Variants in LMCD1 observed in about 807,000 individuals in gnomAD.
LMCD1 encodes the protein LIM and cysteine-rich domains protein 1.
LMCD1 carries 32 observed loss-of-function variants against 42.7 expected under a neutral mutation model. The observed-to-expected ratio is 0.75, with a 90% CI of 0.57 to 1.01. LMCD1 has a LOEUF of 1.01. Among genes scored for constraint, LMCD1 ranks in the 50% least tolerant of loss-of-function variants. LMCD1 has a pLI of 0.00. For missense variants in LMCD1, 458 were observed against 483.1 expected (o/e 0.95, Z 0.49); for synonymous variants, 178 against 184.9 (o/e 0.96, Z 0.30).
chr3:8,538,405 T>C (rs66566245), intron 3 of LMCD1, among the ~76,000 whole-genome samples: 14,525 of 152,250 alleles, frequency 0.095, 777 homozygotes, highest in South Asian at 0.2. Flanking sequence ...GGTTCAACAA[T>C]TTTAAAAATG....
rs560934948 is a variant in LMCD1 at position 8,501,878 on chromosome 3, G to T, written c.-61G>T. On this transcript the variant is annotated 5_prime_UTR_variant, in exon 1 of 6. Coordinates refer to ENST00000157600, the MANE Select transcript of LMCD1 (RefSeq NM_014583.4). ...TGGCCATTCAGCCGCCGCTGTCCCC[G>T]CTGCGCGCCCTCGCGCCTCTGCCTG... 2.0e-6 allele frequency: 3 copies of T among 1,511,828 alleles called. No individual in the cohort carries two copies. The South Asian group carries it at 3.6e-5, about 18-fold the overall frequency. The allele number at this position is 1,511,828 out of a possible 1,614,324, so 93.7% of individuals were successfully genotyped here.
Position 8,568,206 on chromosome 3 carries a change from G to A in LMCD1, c.*608G>A, listed in dbSNP as rs778400471. 1.3e-5 allele frequency: 2 copies of A among 152,192 alleles called. No homozygotes were observed. The highest frequency in any genetic ancestry group is 2.9e-5 in the Non-Finnish European group (2 of 68,054). 9.4% of individuals were successfully genotyped at this position (152,192 alleles called of 1,614,324 possible). On this transcript the variant is annotated 3_prime_UTR_variant, in exon 6 of 6. Coordinates refer to ENST00000157600, the MANE Select transcript of LMCD1 (RefSeq NM_014583.4). ...AGAAAATATAGTAAAATACTAATGA[G>A]CCTCTCTATCAATGTATCTCATCAG...
intron 3 of LMCD1, among the ~76,000 whole-genome samples, chr3:8,539,007 C>T (rs571101410): frequency 2.0e-5 from 3 of 152,168 alleles, no homozygotes; most frequent in Non-Finnish European, 4.4e-5. Context: ...AATGTTACAG[C>T]AATTTGACAT....
intron 3 of LMCD1, among the ~76,000 whole-genome samples, chr3:8,541,211 C>T (rs1047157755): frequency 2.6e-5 from 4 of 152,154 alleles, no homozygotes; most frequent in Non-Finnish European, 5.9e-5. Flanking sequence ...AACCTCTCCA[C>T]CCAAGATGTC....
chr3:8,567,374 C>A, intron 5 of LMCD1, 66 bp from the exon 6 acceptor site: 1 of 1,543,306 alleles, frequency 6.5e-7, no homozygotes, highest in Non-Finnish European at 8.9e-7. Flanking sequence ...ATAACTTGTC[C>A]TAGATATACC....
At chr3:8,535,027 C>T (rs1374727055) in intron 2 of LMCD1, among the ~76,000 whole-genome samples, 2 of 152,206 alleles carry the variant, frequency 1.3e-5, no homozygotes, top group Non-Finnish European at 2.9e-5. Flanking sequence ...TATGCGCAGC[C>T]TCCTCATCTA....
chr3:8,511,556 C>G (rs1258307136), intron 1 of LMCD1, among the ~76,000 whole-genome samples: 1 of 152,048 alleles, frequency 6.6e-6, no homozygotes, highest in Non-Finnish European at 1.5e-5. Flanking sequence ...AAAGGCGTCC[C>G]AAAGAGGGGA....
At position 8,569,567 on chromosome 3, in the gene LMCD1, A is replaced by G. The variant is rs1260601268; in HGVS notation, c.*1969A>G. On this transcript the variant is annotated 3_prime_UTR_variant, in exon 6 of 6. Coordinates refer to ENST00000157600, the MANE Select transcript of LMCD1 (RefSeq NM_014583.4). Reference sequence around the variant, plus strand: ...AGATGGGCCTCAAGCAAATATTCTCACAAGTCAATGCAAAATTACACTACT... The same window carrying G: ...AGATGGGCCTCAAGCAAATATTCTCGCAAGTCAATGCAAAATTACACTACT... 1 of 152,180 alleles carries G rather than the reference A, an allele frequency of 6.6e-6. No homozygotes were observed. The highest frequency in any genetic ancestry group is 1.5e-5 in the Non-Finnish European group (1 of 68,042). 9.4% of individuals were successfully genotyped at this position (152,180 alleles called of 1,614,324 possible).
chr3:8,508,525 T>C (rs1693928852), intron 1 of LMCD1, among the ~76,000 whole-genome samples: 2 of 152,284 alleles, frequency 1.3e-5, no homozygotes, highest in South Asian at 4.1e-4. Flanking sequence ...CTTTGTAAAA[T>C]TTATCTCTGG....
chr3:8,525,704 A>T (rs1265606449), intron 1 of LMCD1, among the ~76,000 whole-genome samples: 2 of 152,184 alleles, frequency 1.3e-5, no homozygotes, highest in Admixed American at 1.3e-4. Context: ...AGGTCCAGGA[A>T]GGGAGATTAT....
rs762237204 is a variant in LMCD1 at position 8,532,808 on chromosome 3, C to T, written c.114C>T (p.Phe38=). 2.3e-5 allele frequency: 37 copies of T among 1,613,486 alleles called. No individual in the cohort carries two copies. Among genetic ancestry groups the T allele is most frequent in the Admixed American group, 8.3e-5 (5 of 59,952 alleles). The change falls in exon 2 of 6, where the codon TTC becomes TTT. Residue 38 remains phenylalanine (F), a synonymous_variant. Coordinates refer to ENST00000157600, the MANE Select transcript of LMCD1 (RefSeq NM_014583.4). The stretch of plus-strand genomic sequence containing the variant: ...GATGCAAGGGGACGTGTTCGGGCTT[C>T]GAGCCACATTCATGGAGGTAACAGA... ...CLGCKGTCSG[F]EPHSWRKICK...
chr3:8,507,776 A>C (rs1246036030), intron 1 of LMCD1, among the ~76,000 whole-genome samples: 1 of 152,234 alleles, frequency 6.6e-6, no homozygotes, highest in African/African-American at 2.4e-5. Flanking sequence ...TAAGAACTCA[A>C]ACTCAGGCCT....
At chr3:8,514,784 A>G in intron 1 of LMCD1, 1 of 344,236 alleles carries the variant, frequency 2.9e-6, no homozygotes, top group Non-Finnish European at 5.8e-6. Context: ...CATTTTTACC[A>G]TGTTCGAAAA....
At chr3:8,560,390 G>T (rs766711879) in intron 4 of LMCD1, among the ~76,000 whole-genome samples, 2 of 151,848 alleles carry the variant, frequency 1.3e-5, no homozygotes, top group African/African-American at 4.8e-5. Flanking sequence ...CCTTCCTTCA[G>T]TGTATCATCA....
intron 1 of LMCD1, among the ~76,000 whole-genome samples, chr3:8,524,156 C>G (rs901039169): frequency 6.7e-6 from 1 of 149,256 alleles, no homozygotes; most frequent in Non-Finnish European, 1.5e-5. Flanking sequence ...GTGAAAAAAG[C>G]CTTCCTGGCC....
At chr3:8,506,251 C>T (rs1028484952) in intron 1 of LMCD1, among the ~76,000 whole-genome samples, 2 of 152,160 alleles carry the variant, frequency 1.3e-5, no homozygotes, top group African/African-American at 4.8e-5. Flanking sequence ...CATCTCAGCT[C>T]CAAGGCTAGG....
At chr3:8,558,954 G>A (rs1436246748) in intron 4 of LMCD1, among the ~76,000 whole-genome samples, 1 of 152,098 alleles carries the variant, frequency 6.6e-6, no homozygotes, top group East Asian at 1.9e-4. Flanking sequence ...TGGTGGCGGT[G>A]GGGGAGCAGA....
intron 3 of LMCD1, among the ~76,000 whole-genome samples, chr3:8,546,654 C>G (rs563562764): frequency 6.7e-6 from 1 of 148,952 alleles, no homozygotes; most frequent in African/African-American, 2.5e-5. Context: ...CTCAAATACA[C>G]TAGGAATGGT....
intron 1 of LMCD1, among the ~76,000 whole-genome samples, chr3:8,532,381 G>T (rs959028469): frequency 2.0e-5 from 3 of 152,184 alleles, no homozygotes; most frequent in Non-Finnish European, 4.4e-5. Context: ...TTCCATTCCA[G>T]TGACAAGTGA....
Sources: gnomAD v4.1 joint callset for allele counts (sites outside exome capture counted in the v4.1 genomes callset) on GRCh38, gnomAD v4.1.1 for gene constraint, MANE v1.5 for transcripts, NCBI Gene and HGNC (gene_info 2026-07-23, HGNC 2026-07-21) for gene names.